SHC3: variants seen among roughly 807,000 people sequenced by gnomAD.
The protein encoded by SHC3 is SHC-transforming protein 3.
SHC3 carries 15 observed loss-of-function variants against 60.4 expected under a neutral mutation model. The ratio of observed to expected loss-of-function variants is 0.25; its 90% CI spans 0.17 to 0.38. The LOEUF (loss-of-function observed/expected upper bound fraction) is 0.38. SHC3 is among the 10% of genes least tolerant of loss of function. The pLI is 1.00. For synonymous variants in SHC3, 294 were observed against 325.9 expected (o/e 0.90, Z 1.05); for missense variants, 677 against 786.1 (o/e 0.86, Z 1.66).
At chr9:89,078,861 C>T (rs541168083) in intron 2 of SHC3, among the ~76,000 whole-genome samples, 5 of 152,266 alleles carry the variant, frequency 3.3e-5, no homozygotes, top group Admixed American at 1.3e-4. Context: ...CTTGGAGACA[C>T]GGTGAACAAG....
At chr9:89,164,365 G>A (rs976283010) in intron 1 of SHC3, among the ~76,000 whole-genome samples, 2 of 152,104 alleles carry the variant, frequency 1.3e-5, no homozygotes, top group African/African-American at 4.8e-5. Flanking sequence ...AGGACAAAGA[G>A]CATTATTTTA....
At chr9:89,042,570 T>C (rs897770920) in intron 9 of SHC3, among the ~76,000 whole-genome samples, 2 of 152,244 alleles carry the variant, frequency 1.3e-5, no homozygotes, top group African/African-American at 4.8e-5. Context: ...AAGCCTTATA[T>C]TAATTGCTCT....
intron 11 of SHC3, among the ~76,000 whole-genome samples, chr9:89,027,163 C>T (rs1285989202): frequency 6.6e-6 from 1 of 152,186 alleles, no homozygotes; most frequent in Non-Finnish European, 1.5e-5. Flanking sequence ...GGGCTAGACG[C>T]ATTGTCCTGG....
At chr9:89,138,371 G>T (rs1258818142) in intron 1 of SHC3, among the ~76,000 whole-genome samples, 2 of 150,084 alleles carry the variant, frequency 1.3e-5, no homozygotes, top group Admixed American at 6.6e-5. Context: ...TAAATAAGGG[G>T]TGGTTTATTC....
intron 1 of SHC3, among the ~76,000 whole-genome samples, chr9:89,150,443 G>A (rs980842950): frequency 2.0e-5 from 3 of 152,162 alleles, no homozygotes; most frequent in Admixed American, 6.5e-5. Context: ...TACAGTCCAT[G>A]TAAATGGAAT....
At chr9:89,113,987 G>C (rs1380986728) in intron 1 of SHC3, among the ~76,000 whole-genome samples, 4 of 152,094 alleles carry the variant, frequency 2.6e-5, no homozygotes, top group Non-Finnish European at 1.5e-5. Flanking sequence ...AATACCACCA[G>C]CATCAAAGCC....
At chr9:89,046,793 A>C (rs1456536875) in intron 8 of SHC3, 51 bp downstream of exon 8, 44 of 1,420,506 alleles carry the variant, frequency 3.1e-5, no homozygotes, top group Non-Finnish European at 3.8e-5. Flanking sequence ...AAAGGAAATA[A>C]AGTAGAGTTA....
intron 11 of SHC3, among the ~76,000 whole-genome samples, chr9:89,016,167 GA>G (rs1826090155): frequency 6.6e-6 from 1 of 151,698 alleles, no homozygotes; most frequent in South Asian, 2.1e-4. Context: ...GCCAGGCTAA[GA>G]AAAAAAGATT....
intron 11 of SHC3, among the ~76,000 whole-genome samples, chr9:89,028,689 C>G (rs927498090): frequency 6.9e-6 from 1 of 144,020 alleles, no homozygotes; most frequent in African/African-American, 2.5e-5. Context: ...AAGAGATAAT[C>G]TATATCTATA....
chr9:89,127,483 T>A (rs1021097597), intron 1 of SHC3, among the ~76,000 whole-genome samples: 3 of 152,134 alleles, frequency 2.0e-5, no homozygotes, highest in Admixed American at 6.6e-5. Context: ...ACAGAACCTG[T>A]TTTGGAAAAA....
At chr9:89,150,375 C>T (rs1826528902) in intron 1 of SHC3, among the ~76,000 whole-genome samples, 1 of 152,160 alleles carries the variant, frequency 6.6e-6, no homozygotes, top group Non-Finnish European at 1.5e-5. Flanking sequence ...TCCTCTCCCA[C>T]ACTCAGTCCC....
intron 11 of SHC3, among the ~76,000 whole-genome samples, chr9:89,025,217 C>T (rs113465845): frequency 2.6e-5 from 4 of 151,974 alleles, no homozygotes; most frequent in Non-Finnish European, 4.4e-5. Context: ...CACACACGTA[C>T]GCACACACAC....
At chr9:89,039,930 GAGCGGCAGCAGTAAC>G (rs1480562627) in intron 10 of SHC3, among the ~76,000 whole-genome samples, 1 of 144,820 alleles carries the variant, frequency 6.9e-6, no homozygotes, top group African/African-American at 2.6e-5. Flanking sequence ...GCAGCAACAG[GAGCGGCAGCAGTAAC>G]AGCAGCAGCA....
intron 6 of SHC3, 144 bp downstream of exon 6, chr9:89,065,385 T>C (rs1242841213): frequency 2.3e-6 from 2 of 885,760 alleles, no homozygotes; most frequent in East Asian, 4.8e-5. Flanking sequence ...TCTACAACCC[T>C]TGCAAACCTC....
intron 7 of SHC3, among the ~76,000 whole-genome samples, chr9:89,048,492 T>A (rs931850863): frequency 2.0e-5 from 3 of 151,986 alleles, no homozygotes; most frequent in African/African-American, 7.3e-5. Context: ...AGTAGATTAG[T>A]GGTTGGTGGA....
intron 1 of SHC3, among the ~76,000 whole-genome samples, chr9:89,156,496 G>A (rs1378971359): frequency 6.6e-6 from 1 of 151,504 alleles, no homozygotes; most frequent in Non-Finnish European, 1.5e-5. Flanking sequence ...TTTAATCTTC[G>A]GTGCATTCAA....
In SHC3 at chr9:89,052,071, G is replaced by A; in HGVS notation, c.928C>T (p.Gln310Ter). 1 of 1,614,088 alleles carries A rather than the reference G, an allele frequency of 6.2e-7. No homozygotes were observed. Among genetic ancestry groups the A allele is most frequent in the Non-Finnish European group, 8.5e-7 (1 of 1,179,942 alleles). The part of the protein sequence containing the change: ...AFELRFKQYL[Q>*]CPTKIPALHD... Reference sequence around the variant, plus strand: ...AGAGCGGGAATCTTGGTAGGACACTGTAAATATTGCTTAAACCGGAGCTCA... The same window carrying A: ...AGAGCGGGAATCTTGGTAGGACACTATAAATATTGCTTAAACCGGAGCTCA... Residue 310 changes from glutamine to a stop codon, truncating the protein, a stop_gained, in exon 7 of 12, where the codon CAG becomes TAG. Coordinates refer to ENST00000375835, the MANE Select transcript of SHC3 (RefSeq NM_016848.6). LOFTEE classifies it high-confidence loss of function.
intron 1 of SHC3, among the ~76,000 whole-genome samples, chr9:89,132,093 C>G (rs1407101686): frequency 6.6e-6 from 1 of 152,150 alleles, no homozygotes; most frequent in African/African-American, 2.4e-5. Flanking sequence ...GCAAAAATCA[C>G]AAGCATTCCT....
intron 1 of SHC3, among the ~76,000 whole-genome samples, chr9:89,145,049 C>T (rs976637147): frequency 2.6e-5 from 4 of 152,126 alleles, no homozygotes; most frequent in East Asian, 1.9e-4. Context: ...CTGAAGGTTC[C>T]GGATGATGTT....
Sources: gnomAD v4.1 joint callset for allele counts (sites outside exome capture counted in the v4.1 genomes callset) on GRCh38, gnomAD v4.1.1 for gene constraint, MANE v1.5 for transcripts, NCBI Gene and HGNC (gene_info 2026-07-23, HGNC 2026-07-21) for gene names.